Variants in SORCS2 observed in about 807,000 individuals in gnomAD.
SORCS2 encodes VPS10 domain-containing receptor SorCS2.
SORCS2 carries 100 observed loss-of-function variants against 141.6 expected under a neutral mutation model. The observed-to-expected ratio is 0.71, with a 90% CI of 0.60 to 0.83. SORCS2 has a LOEUF of 0.83. SORCS2 is among the 40% of genes least tolerant of loss of function. SORCS2 has a pLI of 0.00. For missense variants in SORCS2, 1,646 were observed against 1,560.2 expected (o/e 1.05, Z -0.93); for synonymous variants, 789 against 676.9 (o/e 1.17, Z -2.57).
At chr4:7,266,827 C>T (rs1343404683) in intron 1 of SORCS2, among the ~76,000 whole-genome samples, 1 of 152,238 alleles carries the variant, frequency 6.6e-6, no homozygotes, top group Non-Finnish European at 1.5e-5. Flanking sequence ...CTGTGCTAAG[C>T]CTAAAACACC....
chr4:7,620,418 C>G (rs1051718235), intron 3 of SORCS2, among the ~76,000 whole-genome samples: 1 of 152,234 alleles, frequency 6.6e-6, no homozygotes, highest in South Asian at 2.1e-4. Context: ...GAGTCCCACC[C>G]TGGGGATACA....
intron 1 of SORCS2, among the ~76,000 whole-genome samples, chr4:7,261,910 A>G (rs1474172901): frequency 6.6e-6 from 1 of 152,246 alleles, no homozygotes; most frequent in African/African-American, 2.4e-5. Flanking sequence ...ATTTGTGTCG[A>G]CTGGGAAATT....
At chr4:7,681,971 C>G (rs915042752) in intron 9 of SORCS2, among the ~76,000 whole-genome samples, 6 of 152,184 alleles carry the variant, frequency 3.9e-5, no homozygotes, top group African/African-American at 1.2e-4. Context: ...TCACACCACA[C>G]TAGTGGGTCT....
intron 1 of SORCS2, among the ~76,000 whole-genome samples, chr4:7,266,791 G>A (rs1372319817): frequency 3.3e-5 from 5 of 152,182 alleles, no homozygotes. Context: ...CTCTGGCCAC[G>A]TTCTGCCTCA....
chr4:7,661,420 C>T, intron 5 of SORCS2, 80 bp from the exon 6 acceptor site: 1 of 1,474,868 alleles, frequency 6.8e-7, no homozygotes, highest in South Asian at 1.2e-5. Flanking sequence ...GGCCACGTGG[C>T]TGCAGGGAGT....
chr4:7,665,203 C>T (rs559337095), intron 7 of SORCS2, among the ~76,000 whole-genome samples: 2 of 152,314 alleles, frequency 1.3e-5, no homozygotes, highest in South Asian at 4.1e-4. Context: ...GCTTCCCAGC[C>T]TCCTCCTTTC....
At chr4:7,466,908 A>G (rs935309681) in intron 2 of SORCS2, among the ~76,000 whole-genome samples, 1 of 152,032 alleles carries the variant, frequency 6.6e-6, no homozygotes, top group Non-Finnish European at 1.5e-5. Flanking sequence ...ATGGAAATGG[A>G]CCTAAATGCC....
chr4:7,629,559 C>T (rs538411181), intron 3 of SORCS2, among the ~76,000 whole-genome samples: 1 of 152,068 alleles, frequency 6.6e-6, no homozygotes, highest in Non-Finnish European at 1.5e-5. Flanking sequence ...CCCTACCCCC[C>T]AACCCCCCTC....
intron 1 of SORCS2, among the ~76,000 whole-genome samples, chr4:7,261,506 C>T (rs955142012): frequency 3.9e-5 from 6 of 152,240 alleles, no homozygotes; most frequent in African/African-American, 1.4e-4. Flanking sequence ...TTACTCCTTC[C>T]TTTCTCTCCA....
At chr4:7,443,571 A>G (rs1285987033) in intron 2 of SORCS2, among the ~76,000 whole-genome samples, 1 of 152,214 alleles carries the variant, frequency 6.6e-6, no homozygotes. Flanking sequence ...AACTCCAGAC[A>G]TTTAGAAGCC....
chr4:7,706,021 G>A (rs866331390), intron 14 of SORCS2, among the ~76,000 whole-genome samples: 1 of 145,712 alleles, frequency 6.9e-6, no homozygotes, highest in Non-Finnish European at 1.6e-5. Flanking sequence ...GATGAGGCTG[G>A]GCTCTGTCTG....
Position 7,416,934 on chromosome 4 carries a change from G to A in SORCS2, c.548+20579G>A, listed in dbSNP as rs138097252. Among the ~76,000 whole-genome samples the A allele has an allele frequency of 5.5e-4, 84 of 151,932 alleles. 1 individual carries two copies. The highest frequency in any genetic ancestry group is 1.7e-3 in the African/African-American group (71 of 41,460). ...GACACACTGACACATTCACACACAC[G>A]CACACATACTCTCGCACACACACAC... On this transcript the variant is annotated intron_variant, in intron 2 of 26. Transcript: ENST00000507866.
chr4:7,365,570 G>T (rs150392498), intron 1 of SORCS2, among the ~76,000 whole-genome samples: 2 of 152,146 alleles, frequency 1.3e-5, no homozygotes, highest in African/African-American at 4.8e-5. Flanking sequence ...CAGACAGCAC[G>T]CTGATGTGTA....
chr4:7,528,985 G>A (rs1286935451), intron 2 of SORCS2, among the ~76,000 whole-genome samples: 2 of 152,152 alleles, frequency 1.3e-5, no homozygotes, highest in Admixed American at 1.3e-4. Context: ...CTCTGTGTCT[G>A]TGTCCCAATT....
In SORCS2 at chr4:7,692,720, A is replaced by T. The variant is rs544120402; in HGVS notation, c.1591+3132A>T. Among the ~76,000 whole-genome samples the T allele has an allele frequency of 2.0e-5, 3 of 152,284 alleles. No individual in the cohort carries two copies. The East Asian group carries it at 5.8e-4, about 29-fold the overall frequency. On this transcript the variant is annotated intron_variant, in intron 11 of 26. Coordinates refer to ENST00000507866, the MANE Select transcript of SORCS2 (RefSeq NM_020777.3). ...GAGGGACACAGGGTATGGGCACTCG[A>T]TTCTTCCCTGGGGTTTGGATTGAGT...
chr4:7,734,395 C>T lies in SORCS2; in HGVS notation c.3311+21C>T, dbSNP rs142366459. 3,297 of 1,473,012 alleles carry T rather than the reference C, an allele frequency of 2.2e-3. 62 individuals are homozygous for T. The African/African-American group carries it at 0.041, about 18-fold the overall frequency. The allele number at this position is 1,473,012 out of a possible 1,614,324, so 91.2% of individuals were successfully genotyped here. On this transcript the variant is annotated intron_variant, in intron 25 of 26. Coordinates refer to ENST00000507866, the MANE Select transcript of SORCS2 (RefSeq NM_020777.3). ...AAAAGGCAAGGCCCTTGGCTGCCCTCCTCTGCGGGGCTCTGACCATGGGGC... is the reference window on the plus strand; with the variant it reads ...AAAAGGCAAGGCCCTTGGCTGCCCTTCTCTGCGGGGCTCTGACCATGGGGC...
chr4:7,258,977 G>A (rs1176244444), intron 1 of SORCS2, among the ~76,000 whole-genome samples: 2 of 152,100 alleles, frequency 1.3e-5, no homozygotes, highest in African/African-American at 4.8e-5. Flanking sequence ...GGGGTTGTTT[G>A]TTTTTTTCTT....
chr4:7,536,840 GGGGGC>G lies in SORCS2; in HGVS notation c.648+5215_648+5219del, dbSNP rs1560366486. Among the ~76,000 whole-genome samples the G allele has an allele frequency of 3.3e-4, 15 of 45,676 alleles. No individual in the cohort carries two copies. The East Asian group carries it at 0.024, about 74-fold the overall frequency. The allele number at this position is 45,676 out of a possible 152,430, so 30.0% of individuals were successfully genotyped here. On this transcript the variant is annotated intron_variant, in intron 3 of 26. Transcript: ENST00000507866. Reference sequence around the variant, plus strand: ...GTCCCCATACTCAGATGTGGGGGGGGGGGGCGGGCAGGGCCCACCTCGAGGTCACC... The same window carrying G: ...GTCCCCATACTCAGATGTGGGGGGGGGGGCAGGGCCCACCTCGAGGTCACC...
chr4:7,456,415 C>T (rs974063488), intron 2 of SORCS2, among the ~76,000 whole-genome samples: 1 of 152,212 alleles, frequency 6.6e-6, no homozygotes, highest in African/African-American at 2.4e-5. Context: ...TCAGGACAAG[C>T]TGCCCATCCA....
Sources: allele counts gnomAD v4.1 joint callset (sites outside exome capture counted in the v4.1 genomes callset), GRCh38; gene constraint gnomAD v4.1.1; transcripts MANE v1.5; gene names NCBI Gene and HGNC (gene_info 2026-07-23, HGNC 2026-07-21).